STAC: variants seen among roughly 807,000 people sequenced by gnomAD.
STAC encodes the protein SH3 and cysteine rich domain.
STAC carries 43 observed loss-of-function variants against 48.8 expected under a neutral mutation model. That is an observed-to-expected ratio of 0.88 (90% CI 0.69 to 1.14). The LOEUF (loss-of-function observed/expected upper bound fraction) is 1.14. Among genes scored for constraint, STAC ranks in the 50% most tolerant of loss-of-function variants. STAC has a pLI of 0.00. For missense variants in STAC, 497 were observed against 504.0 expected, an observed-to-expected ratio of 0.99 and a Z score of 0.13; for synonymous variants, 193 against 179.5, an observed-to-expected ratio of 1.07 and a Z score of -0.60.
chr3:36,511,378 T>C (rs1268538841), intron 8 of STAC, among the ~76,000 whole-genome samples: 1 of 152,220 alleles, frequency 6.6e-6, no homozygotes, highest in African/African-American at 2.4e-5. Flanking sequence ...GTTTTTATAA[T>C]GTGGTGTTCA....
At chr3:36,389,396 A>C (rs1208431336) in intron 1 of STAC, among the ~76,000 whole-genome samples, 2 of 152,084 alleles carry the variant, frequency 1.3e-5, no homozygotes, top group Non-Finnish European at 2.9e-5. Flanking sequence ...TTATAAGGGC[A>C]CTAATCCGAA....
At chr3:36,409,944 T>G (rs887898530) in intron 1 of STAC, among the ~76,000 whole-genome samples, 1 of 151,886 alleles carries the variant, frequency 6.6e-6, no homozygotes, top group Non-Finnish European at 1.5e-5. Flanking sequence ...AAGAATGGAG[T>G]TTTTATTTTC....
chr3:36,475,826 G>A (rs892171886), intron 2 of STAC, among the ~76,000 whole-genome samples: 6 of 152,244 alleles, frequency 3.9e-5, no homozygotes, highest in Non-Finnish European at 7.3e-5. Context: ...CAGAGACAGA[G>A]AGAGTGGCTC....
At chr3:36,396,201 C>G (rs1333455521) in intron 1 of STAC, among the ~76,000 whole-genome samples, 1 of 151,830 alleles carries the variant, frequency 6.6e-6, no homozygotes, top group African/African-American at 2.4e-5. Flanking sequence ...GATATTGAAC[C>G]AAAGTTTTAT....
chr3:36,430,111 T>C (rs953615770), intron 1 of STAC, among the ~76,000 whole-genome samples: 1 of 152,114 alleles, frequency 6.6e-6, no homozygotes, highest in Non-Finnish European at 1.5e-5. Context: ...CCCACTAAAT[T>C]TGGGGAATTC....
chr3:36,482,505 C>T (rs1697676456), intron 2 of STAC, among the ~76,000 whole-genome samples: 1 of 152,212 alleles, frequency 6.6e-6, no homozygotes, highest in African/African-American at 2.4e-5. Flanking sequence ...AGTCCTCTCT[C>T]CCCTTCTTTA....
intron 2 of STAC, among the ~76,000 whole-genome samples, chr3:36,470,470 C>T (rs536493492): frequency 6.6e-6 from 1 of 152,324 alleles, no homozygotes; most frequent in Admixed American, 6.5e-5. Context: ...GTGGAGGTAG[C>T]TGGGGAGTGA....
In STAC at chr3:36,443,294, C is replaced by T; in HGVS notation, c.112-70C>T. On this transcript the variant is annotated intron_variant, in intron 1 of 10. Coordinates refer to ENST00000273183, the MANE Select transcript of STAC (RefSeq NM_003149.3). This position sits in a 1 kb window ranked among gnomAD's most constrained non-coding sequence, Gnocchi z 4.2. ...GGACTGTGTAGTGCACACAGCAGACCTTACCCCCACAGCCTAGGTCTGCTT... is the reference window on the plus strand; with the variant it reads ...GGACTGTGTAGTGCACACAGCAGACTTTACCCCCACAGCCTAGGTCTGCTT... 6 of 1,575,854 alleles carry T rather than the reference C, an allele frequency of 3.8e-6. No individual in the cohort carries two copies. The East Asian group carries it at 6.7e-5, about 18-fold the overall frequency.
intron 1 of STAC, among the ~76,000 whole-genome samples, chr3:36,381,501 G>C (rs1459246089): frequency 6.6e-6 from 1 of 152,242 alleles, no homozygotes; most frequent in East Asian, 1.9e-4. Context: ...AACTCAGCTG[G>C]TGGTGGAAAT....
intron 8 of STAC, among the ~76,000 whole-genome samples, chr3:36,515,978 T>C (rs900912236): frequency 3.9e-5 from 4 of 101,808 alleles, no homozygotes; most frequent in African/African-American, 1.6e-4. Context: ...TTTTCTCCTT[T>C]TTTTTTTTTT....
Position 36,456,011 on chromosome 3 carries a change from T to C in STAC, c.388+12371T>C, listed in dbSNP as rs1241916255. Among the ~76,000 whole-genome samples, 4 of 151,676 alleles carry C rather than the reference T, an allele frequency of 2.6e-5. No individual in the cohort carries two copies. In the East Asian group the frequency reaches 7.7e-4, roughly 29 times the overall value. On this transcript the variant is annotated intron_variant, in intron 2 of 10. Coordinates refer to ENST00000273183, the MANE Select transcript of STAC (RefSeq NM_003149.3). ...TCAACAACATTATAATAAATAAACA[T>C]AGGAAGGCCCATACATACACATGTA...
At chr3:36,529,455 A>G (rs932592254) in intron 10 of STAC, among the ~76,000 whole-genome samples, 2 of 152,224 alleles carry the variant, frequency 1.3e-5, no homozygotes, top group African/African-American at 4.8e-5. Context: ...TCATTGCAAA[A>G]GACACGGACT....
At position 36,547,557 on chromosome 3, in the gene STAC, C is replaced by T. The variant is rs896364712; in HGVS notation, c.*1268C>T. 4.6e-5 allele frequency: 7 copies of T among 152,628 alleles called. No individual in the cohort carries two copies. The highest frequency in any genetic ancestry group is 1.7e-4 in the African/African-American group (7 of 41,458). The allele number at this position is 152,628 out of a possible 1,614,324, so 9.5% of individuals were successfully genotyped here. On this transcript the variant is annotated 3_prime_UTR_variant, in exon 11 of 11. Transcript: ENST00000273183. Reference sequence around the variant, plus strand: ...CCTATTAGTCATTAACATGGTTAAACTTCAATTCACAATCACCTTGGAATC... The same window carrying T: ...CCTATTAGTCATTAACATGGTTAAATTTCAATTCACAATCACCTTGGAATC...
intron 1 of STAC, among the ~76,000 whole-genome samples, chr3:36,422,706 A>G (rs1700476803): frequency 6.6e-6 from 1 of 152,186 alleles, no homozygotes; most frequent in South Asian, 2.1e-4. Flanking sequence ...AGCCCCACTG[A>G]TAAGAAATTA....
chr3:36,524,626 T>C (rs767272604), intron 8 of STAC, among the ~76,000 whole-genome samples: 70 of 151,798 alleles, frequency 4.6e-4, no homozygotes, highest in Non-Finnish European at 9.3e-4. Context: ...TATATGTATA[T>C]AAAAAATAAT....
At chr3:36,486,301 G>C in intron 5 of STAC, 52 bp downstream of exon 5, 2 of 1,524,498 alleles carry the variant, frequency 1.3e-6, no homozygotes, top group Non-Finnish European at 1.8e-6. Flanking sequence ...TGGGCAGAGC[G>C]GGCCTCAGGC....
intron 8 of STAC, among the ~76,000 whole-genome samples, chr3:36,513,037 GA>G (rs959245608): frequency 1.5e-4 from 23 of 152,274 alleles, no homozygotes; most frequent in African/African-American, 4.1e-4. Flanking sequence ...TCAGGAAAGA[GA>G]ACAAGGGAGT....
At chr3:36,499,647 C>T (rs905199383) in intron 6 of STAC, among the ~76,000 whole-genome samples, 1 of 151,718 alleles carries the variant, frequency 6.6e-6, no homozygotes, top group African/African-American at 2.4e-5. Context: ...TAAATGTAAA[C>T]TGATTTAAGC....
intron 1 of STAC, among the ~76,000 whole-genome samples, chr3:36,437,411 T>A (rs1040818806): frequency 1.3e-5 from 2 of 151,356 alleles, no homozygotes; most frequent in African/African-American, 4.9e-5. Flanking sequence ...ATTAAGAAAA[T>A]GTGGCACATA....
Sources: allele counts gnomAD v4.1 joint callset (sites outside exome capture counted in the v4.1 genomes callset), GRCh38; gene constraint gnomAD v4.1.1; non-coding constraint Gnocchi (gnomAD v3.1); transcripts MANE v1.5; gene names NCBI Gene and HGNC (gene_info 2026-07-23, HGNC 2026-07-21).